Variants in TBCD observed in about 807,000 individuals in gnomAD.
TBCD encodes the protein tubulin folding cofactor D.
In TBCD, 105 loss-of-function variants were observed where a neutral mutation model predicts 169.3. The observed-to-expected ratio is 0.62, with a 90% CI of 0.53 to 0.73. The LOEUF is 0.73. Ranked by LOEUF, TBCD falls within the 30% of genes least tolerant of loss-of-function variation. The pLI, the probability that TBCD is intolerant of heterozygous loss-of-function variation, is 0.00. For missense variants in TBCD, 1,444 were observed against 1,600.1 expected (o/e 0.90, Z 1.66); for synonymous variants, 700 against 643.9 (o/e 1.09, Z -1.32).
chr17:82,800,967 A>G lies in TBCD; in HGVS notation c.921A>G (p.Thr307=), dbSNP rs1470330391. Residue 307 remains threonine, a synonymous_variant, in exon 9 of 39, where the codon ACA becomes ACG. Coordinates refer to ENST00000355528, the MANE Select transcript of TBCD (RefSeq NM_005993.5). The part of the protein sequence containing the change: ...GVKLVQRLGL[T]FLKPKVAAWR... ...AGCTTGTGCAGCGACTGGGGCTGAC[A>G]TTCCTGAAGCCGAAGGTGGCAGCAT... The G allele has an allele frequency of 2.5e-6, 4 of 1,578,046 alleles. No individual in the cohort carries two copies. The highest frequency in any genetic ancestry group is 2.6e-6 in the Non-Finnish European group (3 of 1,159,384).
intron 17 of TBCD, among the ~76,000 whole-genome samples, chr17:82,899,638 T>G (rs1354667620): frequency 6.6e-6 from 1 of 152,252 alleles, no homozygotes; most frequent in Non-Finnish European, 1.5e-5. Context: ...TGTGGATGTG[T>G]ATTTTCATTT....
chr17:82,807,342 C>A (rs1598618861), intron 10 of TBCD, among the ~76,000 whole-genome samples: 1 of 152,176 alleles, frequency 6.6e-6, no homozygotes, highest in Admixed American at 6.5e-5. Context: ...GTTGGCCTTC[C>A]CCTGGGGGCA....
chr17:82,859,964 C>T, intron 13 of TBCD: 1 of 887,342 alleles, frequency 1.1e-6, no homozygotes, highest in Non-Finnish European at 1.4e-6. Flanking sequence ...CGTGGTCCTG[C>T]TCTTGGGCTT....
intron 14 of TBCD, among the ~76,000 whole-genome samples, chr17:82,876,312 C>T (rs143668081): frequency 2.2e-4 from 33 of 152,264 alleles, no homozygotes; most frequent in African/African-American, 7.2e-4. Flanking sequence ...CGAAAGCAAA[C>T]GGGCGAGGAC....
intron 2 of TBCD, among the ~76,000 whole-genome samples, chr17:82,757,205 C>G (rs989233882): frequency 5.3e-5 from 8 of 152,158 alleles, no homozygotes; most frequent in African/African-American, 1.7e-4. Flanking sequence ...CCGGGGTTTC[C>G]TCGCCCCCCG....
intron 27 of TBCD, among the ~76,000 whole-genome samples, chr17:82,925,605 G>A (rs974427366): frequency 3.9e-5 from 6 of 152,154 alleles, no homozygotes; most frequent in Non-Finnish European, 5.9e-5. Flanking sequence ...GGTTCCCCAC[G>A]CCCTTCCCTC....
chr17:82,872,733 C>T (rs939081956), intron 14 of TBCD, among the ~76,000 whole-genome samples: 1 of 152,252 alleles, frequency 6.6e-6, no homozygotes, highest in Non-Finnish European at 1.5e-5. Context: ...CCTTAGCAAC[C>T]CTGAGAGGTG....
rs183349235 is a variant in TBCD at position 82,807,646 on chromosome 17, G to C, written c.1126G>C (p.Val376Leu). ...LVGLKDKDTV[V>L]RWSAAKGIGR... ...CGGGCTGAAGGACAAGGACACGGTC[G>C]TGCGGTGGTCTGCAGCCAAGGGGTA... is the stretch of plus-strand genomic sequence containing the variant. The change falls in exon 11 of 39, where the codon GTG becomes CTG. Residue 376 changes from valine (V) to leucine (L), a missense_variant. By Grantham distance (32) the Val-to-Leu change is conservative (BLOSUM62 1). Transcript: ENST00000355528. The C allele has an allele frequency of 2.6e-6, 4 of 1,552,716 alleles. No homozygotes were observed. In the African/African-American group the frequency reaches 5.5e-5, roughly 21 times the overall value.
chr17:82,810,393 T>C (rs2051342422), intron 12 of TBCD, among the ~76,000 whole-genome samples: 1 of 152,210 alleles, frequency 6.6e-6, no homozygotes. Flanking sequence ...TGAGCCATGA[T>C]GGTGCCACTG....
chr17:82,878,884 T>C (rs918418641), intron 14 of TBCD, among the ~76,000 whole-genome samples: 2 of 152,174 alleles, frequency 1.3e-5, no homozygotes, highest in African/African-American at 4.8e-5. Context: ...CATTCGCTCC[T>C]GCCAGTGTGG....
chr17:82,851,233 A>T (rs756367219), intron 13 of TBCD, among the ~76,000 whole-genome samples: 26 of 144,220 alleles, frequency 1.8e-4, no homozygotes, highest in Non-Finnish European at 3.8e-4. Context: ...CAAATGTGTA[A>T]ATCACATGAG....
intron 13 of TBCD, among the ~76,000 whole-genome samples, chr17:82,853,425 C>T (rs2055978705): frequency 6.6e-6 from 1 of 150,510 alleles, no homozygotes; most frequent in East Asian, 2.0e-4. Context: ...GTTTTTGAGT[C>T]AGGGTCTTGC....
chr17:82,802,577 T>A (rs1364033966), intron 9 of TBCD, among the ~76,000 whole-genome samples: 1 of 152,232 alleles, frequency 6.6e-6, no homozygotes, highest in Admixed American at 6.5e-5. Context: ...GCCAAAGGCC[T>A]CAGGGTGGAG....
rs577200725 is a variant in TBCD at position 82,757,604 on chromosome 17, A to G, written c.235+1389A>G. Among the ~76,000 whole-genome samples the G allele has an allele frequency of 5.3e-4, 80 of 151,324 alleles. No individual in the cohort carries two copies. The Middle Eastern group carries it at 0.01, about 19-fold the overall frequency. ...GTCACTGCACTCCAGCCTGGGTGACAGAGTGAGACTTCATCTCAAAAAAAA... is the reference window on the plus strand; with the variant it reads ...GTCACTGCACTCCAGCCTGGGTGACGGAGTGAGACTTCATCTCAAAAAAAA... On this transcript the variant is annotated intron_variant, in intron 2 of 38. Transcript: ENST00000355528.
At chr17:82,878,366 C>T (rs2058108356) in intron 14 of TBCD, among the ~76,000 whole-genome samples, 1 of 152,220 alleles carries the variant, frequency 6.6e-6, no homozygotes, top group Non-Finnish European at 1.5e-5. Flanking sequence ...GACCTCACCC[C>T]AGACAGAAGC....
intron 6 of TBCD, among the ~76,000 whole-genome samples, chr17:82,776,972 C>T (rs1349906476): frequency 6.6e-6 from 1 of 152,176 alleles, no homozygotes; most frequent in African/African-American, 2.4e-5. Context: ...TGTCTGTGGG[C>T]TCCTTGGGGC....
At chr17:82,929,874 G>A (rs536886662) in intron 32 of TBCD, 12 of 396,826 alleles carry the variant, frequency 3.0e-5, no homozygotes, top group South Asian at 2.7e-4. Context: ...AGGGCTCCAG[G>A]CCCAGCTTCT....
chr17:82,775,275 T>C (rs553566622), intron 6 of TBCD, among the ~76,000 whole-genome samples: 1 of 152,340 alleles, frequency 6.6e-6, no homozygotes, highest in Non-Finnish European at 1.5e-5. Flanking sequence ...TTCTCCCCCT[T>C]GGTCTCGCAC....
chr17:82,769,297 A>G (rs2048183724), intron 5 of TBCD, among the ~76,000 whole-genome samples: 1 of 152,216 alleles, frequency 6.6e-6, no homozygotes, highest in African/African-American at 2.4e-5. Context: ...CCTGCAAGGG[A>G]GAAACTCTGC....
Sources: allele counts gnomAD v4.1 joint callset (sites outside exome capture counted in the v4.1 genomes callset), GRCh38; gene constraint gnomAD v4.1.1; transcripts MANE v1.5; gene names NCBI Gene and HGNC (gene_info 2026-07-23, HGNC 2026-07-21).